The following FAM186A variants were observed in gnomAD, a reference collection of about 807,000 sequenced individuals.
FAM186A encodes protein FAM186A.
Under a neutral mutation model 216.8 loss-of-function variants are expected in FAM186A, and 163 were observed. The ratio of observed to expected loss-of-function variants is 0.75; its 90% CI spans 0.66 to 0.86. The LOEUF (loss-of-function observed/expected upper bound fraction) is 0.86, where lower values mean the gene tolerates loss of function less well. Ranked by LOEUF, FAM186A falls within the 40% of genes least tolerant of loss-of-function variation. The probability of loss-of-function intolerance (pLI) is 0.00; values close to 1 mark genes in which losing one functional copy is unlikely to be tolerated. For missense variants in FAM186A, 2,184 were observed against 2,746.2 expected (o/e 0.80, Z 4.58); for synonymous variants, 805 against 1,025.3 (o/e 0.79, Z 4.10).
chr12:50,345,978 CA>C (rs1942807159), intron 4 of FAM186A, among the ~76,000 whole-genome samples: 1 of 115,902 alleles, frequency 8.6e-6, no homozygotes. Flanking sequence ...GCCTGGGGGA[CA>C]AGAGCGAGAC....
intron 1 of FAM186A, among the ~76,000 whole-genome samples, chr12:50,384,174 C>G (rs1943280840): frequency 6.6e-6 from 1 of 151,908 alleles, no homozygotes; most frequent in Non-Finnish European, 1.5e-5. Flanking sequence ...TGGTGGCTCA[C>G]ACCTGGAATC....
chr12:50,366,082 A>G (rs1382435626), intron 1 of FAM186A: 1 of 715,814 alleles, frequency 1.4e-6, no homozygotes, highest in Non-Finnish European at 2.5e-6. Flanking sequence ...GAGAAGATGT[A>G]GGAATAAAGT....
intron 4 of FAM186A, among the ~76,000 whole-genome samples, chr12:50,348,067 T>C (rs1942838381): frequency 9.0e-6 from 1 of 110,534 alleles, no homozygotes; most frequent in South Asian, 2.7e-4. Context: ...TTTTTTGAGA[T>C]GGAGTCTCAC....
chr12:50,359,935 G>A (rs1008819951), intron 3 of FAM186A, among the ~76,000 whole-genome samples: 20 of 152,070 alleles, frequency 1.3e-4, no homozygotes, highest in African/African-American at 4.8e-4. Flanking sequence ...TCGGGATAAT[G>A]GAAATGTTCT....
intron 1 of FAM186A, among the ~76,000 whole-genome samples, chr12:50,385,318 T>C (rs1445440746): frequency 1.3e-5 from 2 of 148,870 alleles, no homozygotes; most frequent in Admixed American, 6.8e-5. Context: ...CTCAGGAGGC[T>C]GAGGCAGGAG....
At position 50,355,422 on chromosome 12, in the gene FAM186A, C is replaced by T. The variant is rs1257544795; in HGVS notation, c.1410G>A (p.Glu470=). 2 of 1,551,342 alleles carry T rather than the reference C, an allele frequency of 1.3e-6. No homozygotes were observed. The highest frequency in any genetic ancestry group is 2.0e-5 in the Admixed American group (1 of 50,982). ...TATCACTCAGATTTGGTCCAGAGGTCTCATATACATATGTGGCTTTTTTGT... is the reference window on the plus strand; with the variant it reads ...TATCACTCAGATTTGGTCCAGAGGTTTCATATACATATGTGGCTTTTTTGT... ...RSHKKATYVY[E]TSGPNLSDNK... is the part of the protein sequence containing the mutation. The change falls in exon 4 of 8, where the codon GAG becomes GAA. Residue 470 remains glutamate (E), a synonymous_variant. Transcript: ENST00000327337.
intron 2 of FAM186A, among the ~76,000 whole-genome samples, chr12:50,362,642 G>A (rs956319310): frequency 3.3e-5 from 5 of 151,112 alleles, no homozygotes; most frequent in Non-Finnish European, 7.4e-5. Flanking sequence ...TACTAGGGAG[G>A]CTGAGGCAGG....
chr12:50,343,754 G>T (rs528931283), intron 4 of FAM186A, among the ~76,000 whole-genome samples: 8 of 152,170 alleles, frequency 5.3e-5, no homozygotes, highest in Non-Finnish European at 1.2e-4. Context: ...GAGTAGCTGG[G>T]ACTACAGGCG....
rs1273271317 is a variant in FAM186A, at chr12:50,327,372, T to C, written c.*11A>G. ...AATGTACTTTCAACATGCTTGTATTTAATTTTACAGTCATTTGGGAATCTT... is the reference window on the plus strand; with the variant it reads ...AATGTACTTTCAACATGCTTGTATTCAATTTTACAGTCATTTGGGAATCTT... On this transcript the variant is annotated 3_prime_UTR_variant, in exon 8 of 8. Coordinates refer to ENST00000327337, the MANE Select transcript of FAM186A (RefSeq NM_001145475.3). 1.6e-5 allele frequency: 25 copies of C among 1,544,332 alleles called. No homozygotes were observed. The highest frequency in any genetic ancestry group is 2.2e-5 in the Non-Finnish European group (25 of 1,141,098).
intron 1 of FAM186A, among the ~76,000 whole-genome samples, chr12:50,395,399 G>T (rs886170285): frequency 8.5e-5 from 13 of 152,202 alleles, no homozygotes; most frequent in African/African-American, 3.1e-4. Context: ...TGATTTTGTT[G>T]TACTGCGAGA....
At chr12:50,394,729 ACT>A (rs1232505827) in intron 1 of FAM186A, among the ~76,000 whole-genome samples, 17 of 43,700 alleles carry the variant, frequency 3.9e-4, no homozygotes, top group Admixed American at 1.2e-3. Flanking sequence ...CCTGGCTAAC[ACT>A]CTTTTTTTTT....
At chr12:50,372,849 C>T (rs1326251436) in intron 1 of FAM186A, among the ~76,000 whole-genome samples, 2 of 144,984 alleles carry the variant, frequency 1.4e-5, no homozygotes, top group Admixed American at 7.1e-5. Context: ...TACTGTGAGC[C>T]GAGATGGTGC....
chr12:50,386,414 C>T (rs1053658250), intron 1 of FAM186A, among the ~76,000 whole-genome samples: 7 of 151,568 alleles, frequency 4.6e-5, no homozygotes, highest in African/African-American at 1.5e-4. Flanking sequence ...AGAGTGAGAT[C>T]CTGTCTCAAA....
Position 50,351,401 on chromosome 12 carries a change from C to A in FAM186A, c.5431G>T (p.Ala1811Ser), listed in dbSNP as rs996095712. The A allele has an allele frequency of 6.8e-7, 1 of 1,468,570 alleles. No individual in the cohort carries two copies. Among genetic ancestry groups the A allele is most frequent in the Non-Finnish European group, 9.0e-7 (1 of 1,111,220 alleles). 91.0% of individuals were successfully genotyped at this position (1,468,570 alleles called of 1,614,324 possible). A position where few individuals can be genotyped will look rare whatever the true frequency, so the allele number is the denominator to read the frequency against. ...GGGGCCTGTGGTGCCGGGAACTGCG[C>A]AGAAGTGGATTGACCTCCGTATACC... is the stretch of plus-strand genomic sequence containing the variant. ...TLVYGGQSTS[A>S]QFPAPQAPPS... Residue 1811 changes from alanine (A) to serine (S), a missense_variant, in exon 4 of 8, where the codon GCG (alanine) becomes TCG (serine). This residue lies in a region of FAM186A where 721 missense variants were observed against 816.4 expected (regional missense o/e 0.88). Transcript: ENST00000327337.
At chr12:50,366,626 C>A (rs1287128152) in intron 1 of FAM186A, among the ~76,000 whole-genome samples, 6 of 49,398 alleles carry the variant, frequency 1.2e-4, no homozygotes, top group African/African-American at 5.0e-4. Flanking sequence ...ATAGAATGAC[C>A]AAAAAAAAAA....
chr12:50,395,881 C>T (rs1943407517), intron 1 of FAM186A, among the ~76,000 whole-genome samples: 1 of 152,122 alleles, frequency 6.6e-6, no homozygotes, highest in Admixed American at 6.6e-5. Context: ...CCTACCTCAG[C>T]CTCCTGAGTA....
intron 1 of FAM186A, among the ~76,000 whole-genome samples, chr12:50,366,291 C>G (rs1456497961): frequency 1.3e-5 from 2 of 152,112 alleles, no homozygotes; most frequent in Non-Finnish European, 2.9e-5. Context: ...AATAACATTA[C>G]AAGCTAACAC....
intron 1 of FAM186A, among the ~76,000 whole-genome samples, chr12:50,380,084 G>A (rs1458214850): frequency 6.6e-6 from 1 of 152,092 alleles, no homozygotes; most frequent in Non-Finnish European, 1.5e-5. Flanking sequence ...TCATATACTC[G>A]ATAATAAACT....
At chr12:50,342,772 CT>C (rs34822411) in intron 4 of FAM186A, among the ~76,000 whole-genome samples, 47 of 144,426 alleles carry the variant, frequency 3.3e-4, no homozygotes, top group East Asian at 1.2e-3. Flanking sequence ...CGCTCCCGAC[CT>C]TTTTTTTTTT....
Sources: gnomAD v4.1 joint callset for allele counts (sites outside exome capture counted in the v4.1 genomes callset) on GRCh38, gnomAD v4.1.1 for gene constraint, gnomAD v4.1.1 regional missense constraint, MANE v1.5 for transcripts, NCBI Gene and HGNC (gene_info 2026-07-23, HGNC 2026-07-21) for gene names.